The following ADAMTS2 variants were observed in gnomAD, a reference collection of about 807,000 sequenced individuals.
ADAMTS2 encodes the protein ADAM metallopeptidase with thrombospondin type 1 motif 2.
A neutral mutation model predicts 123.0 loss-of-function variants in ADAMTS2; 50 were observed. The observed-to-expected ratio is 0.41, with a 90% CI of 0.32 to 0.51. The LOEUF is 0.51. Among genes scored for constraint, ADAMTS2 ranks in the 20% least tolerant of loss-of-function variants. ADAMTS2 has a pLI of 0.35. For synonymous variants in ADAMTS2, 678 were observed against 695.4 expected, an observed-to-expected ratio of 0.98 and a Z score of 0.39; for missense variants, 1,494 against 1,705.2, an observed-to-expected ratio of 0.88 and a Z score of 2.18.
chr5:179,248,925 C>T (rs535316863), intron 3 of ADAMTS2, among the ~76,000 whole-genome samples: 3 of 152,200 alleles, frequency 2.0e-5, no homozygotes, highest in South Asian at 2.1e-4. Context: ...CACTCAACAG[C>T]GGCAGAATGT....
intron 2 of ADAMTS2, among the ~76,000 whole-genome samples, chr5:179,335,051 G>A (rs1023916208): frequency 9.9e-5 from 15 of 151,882 alleles, no homozygotes; most frequent in South Asian, 6.2e-4. Context: ...TTTTCTACCC[G>A]ACAAAACAAT....
In ADAMTS2 at chr5:179,320,474, A is replaced by ATT. The variant is rs10565392; in HGVS notation, c.534+23291_534+23292dup. Among the ~76,000 whole-genome samples, 464 of 142,448 alleles carry ATT rather than the reference A, an allele frequency of 3.3e-3. 2 individuals are homozygous for ATT. The highest frequency in any genetic ancestry group is 5.4e-3 in the African/African-American group (208 of 38,170). 93.5% of individuals were successfully genotyped at this position (142,448 alleles called of 152,430 possible). On this transcript the variant is annotated intron_variant, in intron 2 of 21. Transcript: ENST00000251582. ...AGGTGTCCACCACTACGCCTGGCTA[A>ATT]TTTTTTTTTTTTTTTTTGTATTTTT...
intron 17 of ADAMTS2, among the ~76,000 whole-genome samples, chr5:179,126,562 A>AT (rs1443142582): frequency 6.6e-6 from 1 of 152,176 alleles, no homozygotes; most frequent in Non-Finnish European, 1.5e-5. Context: ...AGCAGGGGAC[A>AT]TTTGGCCACG....
rs1005341513 is a variant in ADAMTS2 at position 179,170,979 on chromosome 5, T to G, written c.975+10093A>C. On this transcript the variant is annotated intron_variant, in intron 5 of 21. Coordinates refer to ENST00000251582, the MANE Select transcript of ADAMTS2 (RefSeq NM_014244.5). The surrounding 1 kb of genome is among the most constrained non-coding windows in gnomAD (Gnocchi z 4.3). ...AAGTCTGTGCCTGGTGGACACAAAC[T>G]GTTCCAGTCCACAGTGAGATAAGTA... 2.0e-5 allele frequency among the ~76,000 whole-genome samples: 3 copies of G among 152,222 alleles called. No individual in the cohort carries two copies. The highest frequency in any genetic ancestry group is 2.9e-5 in the Non-Finnish European group (2 of 68,038).
chr5:179,215,330 C>G (rs558736774), intron 3 of ADAMTS2, among the ~76,000 whole-genome samples: 9 of 152,164 alleles, frequency 5.9e-5, no homozygotes, highest in Admixed American at 5.2e-4. Flanking sequence ...TGCCTGTAAT[C>G]CCAGCTACTC....
chr5:179,153,394 A>T (rs1424943001), intron 9 of ADAMTS2, 97 bp downstream of exon 9: 13 of 1,571,194 alleles, frequency 8.3e-6, no homozygotes, highest in Non-Finnish European at 1.1e-5. Flanking sequence ...CCCTCCCCAC[A>T]CTGGGCCGGT....
At chr5:179,221,583 C>T (rs927556694) in intron 3 of ADAMTS2, among the ~76,000 whole-genome samples, 2 of 152,178 alleles carry the variant, frequency 1.3e-5, no homozygotes, top group African/African-American at 4.8e-5. Context: ...GTGGTGAGGC[C>T]TGGGGCCTCT....
intron 3 of ADAMTS2, among the ~76,000 whole-genome samples, chr5:179,238,111 G>C (rs550590235): frequency 1.3e-5 from 2 of 152,340 alleles, no homozygotes; most frequent in South Asian, 4.1e-4. Flanking sequence ...CTGTTCTGTG[G>C]CTTGGAAGAA....
chr5:179,284,186 G>T (rs1371092673), intron 2 of ADAMTS2, among the ~76,000 whole-genome samples: 1 of 149,982 alleles, frequency 6.7e-6, no homozygotes, highest in Non-Finnish European at 1.5e-5. Context: ...AAAATTAGCC[G>T]GGCTTGGTGG....
At chr5:179,324,779 C>T (rs1195637629) in intron 2 of ADAMTS2, among the ~76,000 whole-genome samples, 1 of 152,186 alleles carries the variant, frequency 6.6e-6, no homozygotes, top group African/African-American at 2.4e-5. Context: ...ATGGGCCTCA[C>T]CAGGCTGGCA....
chr5:179,248,588 T>C (rs1215609076), intron 3 of ADAMTS2, among the ~76,000 whole-genome samples: 1 of 152,100 alleles, frequency 6.6e-6, no homozygotes, highest in South Asian at 2.1e-4. Flanking sequence ...AGACCTGGGA[T>C]GGCCATACTA....
intron 3 of ADAMTS2, among the ~76,000 whole-genome samples, chr5:179,268,099 G>T (rs1308172086): frequency 6.6e-6 from 1 of 152,160 alleles, no homozygotes; most frequent in African/African-American, 2.4e-5. Context: ...CACATAAAAA[G>T]TCTGATGTCT....
chr5:179,293,844 G>T (rs554959767), intron 2 of ADAMTS2, among the ~76,000 whole-genome samples: 2 of 151,250 alleles, frequency 1.3e-5, no homozygotes, highest in Non-Finnish European at 2.9e-5. Context: ...AGGTGGTCTC[G>T]AACTCCTGAC....
chr5:179,212,583 C>T lies in ADAMTS2; in HGVS notation c.689-4868G>A, dbSNP rs13188296. 6.7e-4 allele frequency among the ~76,000 whole-genome samples: 32 copies of T among 47,476 alleles called. 1 individual carries two copies. Among genetic ancestry groups the T allele is most frequent in the Admixed American group, 1.7e-3 (7 of 4,054 alleles). 31.1% of individuals were successfully genotyped at this position (47,476 alleles called of 152,430 possible). ...CCTGAGGGCAGGTGCAGTGGGCAGG[C>T]GTGGGCCCTGAGGGTGGGTTCAGTG... On this transcript the variant is annotated intron_variant, in intron 3 of 21. Transcript: ENST00000251582.
chr5:179,255,888 G>T (rs530368503), intron 3 of ADAMTS2, among the ~76,000 whole-genome samples: 1 of 152,138 alleles, frequency 6.6e-6, no homozygotes, highest in Admixed American at 6.5e-5. Context: ...GACACAATTC[G>T]GGCACTGTGA....
rs1429680943 is a variant in ADAMTS2, at chr5:179,306,799, G to A, written c.535-33735C>T. Among the ~76,000 whole-genome samples the A allele has an allele frequency of 2.0e-5, 3 of 152,196 alleles. No individual in the cohort carries two copies. The East Asian group carries it at 5.8e-4, about 29-fold the overall frequency. ...AAGCCCGGTGCCAGCAGAGAGCCAG[G>A]CAGATGAACTCAACCAGGGAAAGGA... On this transcript the variant is annotated intron_variant, in intron 2 of 21. Transcript: ENST00000251582.
At chr5:179,138,566 T>G (rs763632649) in intron 11 of ADAMTS2, among the ~76,000 whole-genome samples, 7 of 152,266 alleles carry the variant, frequency 4.6e-5, no homozygotes, top group Non-Finnish European at 4.4e-5. Context: ...CTTGAGGTTC[T>G]AAATGCCCAG....
At chr5:179,250,633 C>T (rs1356465566) in intron 3 of ADAMTS2, among the ~76,000 whole-genome samples, 1 of 152,236 alleles carries the variant, frequency 6.6e-6, no homozygotes, top group Non-Finnish European at 1.5e-5. Flanking sequence ...AGGCCCCAGG[C>T]AACCCTCTGT....
intron 3 of ADAMTS2, among the ~76,000 whole-genome samples, chr5:179,269,101 G>A (rs1481135125): frequency 1.3e-5 from 2 of 152,160 alleles, no homozygotes; most frequent in East Asian, 3.9e-4. Context: ...AGAAGAGGAG[G>A]GGGCGACATG....
Sources: allele counts gnomAD v4.1 joint callset (sites outside exome capture counted in the v4.1 genomes callset), GRCh38; gene constraint gnomAD v4.1.1; non-coding constraint Gnocchi (gnomAD v3.1); transcripts MANE v1.5; gene names NCBI Gene and HGNC (gene_info 2026-07-23, HGNC 2026-07-21).